Variants in GPHN observed in about 807,000 individuals in gnomAD.
GPHN encodes gephyrin.
A neutral mutation model predicts 95.5 loss-of-function variants in GPHN; 17 were observed. The ratio of observed to expected loss-of-function variants is 0.18; its 90% CI spans 0.12 to 0.27. The LOEUF (loss-of-function observed/expected upper bound fraction) is 0.27. GPHN is among the 10% of genes least tolerant of loss of function. The probability of loss-of-function intolerance (pLI) is 1.00; values close to 1 mark genes in which losing one functional copy is unlikely to be tolerated. For missense variants in GPHN, 660 were observed against 978.1 expected (o/e 0.67, Z 4.34); for synonymous variants, 320 against 322.5 (o/e 0.99, Z 0.08).
At chr14:66,786,523 T>TA (rs1463010527) in intron 3 of GPHN, among the ~76,000 whole-genome samples, 7 of 152,012 alleles carry the variant, frequency 4.6e-5, no homozygotes, top group African/African-American at 1.7e-4. Context: ...GATGAGGAAA[T>TA]ACGTTTCATG....
intron 8 of GPHN, among the ~76,000 whole-genome samples, chr14:66,960,611 C>T (rs1030015136): frequency 2.0e-5 from 3 of 151,996 alleles, no homozygotes; most frequent in African/African-American, 7.2e-5. Flanking sequence ...ACAAAACAAA[C>T]AAATCAGAGA....
At chr14:67,095,985 A>AAAT (rs2077371432) in intron 12 of GPHN, among the ~76,000 whole-genome samples, 1 of 143,260 alleles carries the variant, frequency 7.0e-6, no homozygotes, top group African/African-American at 2.7e-5. Context: ...AAAAAAAAAA[A>AAAT]AGAATTTAGA....
chr14:67,059,016 A>AAAG, intron 11 of GPHN: 1 of 366,480 alleles, frequency 2.7e-6, no homozygotes. Flanking sequence ...AAAAAAAGGA[A>AAAG]AAAAAAAAAA....
At chr14:67,594,934 G>T in the GPHN span, among the ~76,000 whole-genome samples, 1 of 152,086 alleles carries the variant, frequency 6.6e-6, no homozygotes, top group Non-Finnish European at 1.5e-5. Flanking sequence ...CGGATCACGA[G>T]GTCAGGAGAT....
the GPHN span, among the ~76,000 whole-genome samples, chr14:67,408,548 T>C: frequency 6.8e-4 from 104 of 152,156 alleles, no homozygotes; most frequent in African/African-American, 2.5e-3. Context: ...TTGACTGGTG[T>C]CCTTATAGGA....
chr14:67,432,809 T>C, the GPHN span, among the ~76,000 whole-genome samples: 1 of 152,084 alleles, frequency 6.6e-6, no homozygotes, highest in African/African-American at 2.4e-5. Context: ...CCTGGGTTTG[T>C]AGGGGCATCA....
intron 2 of GPHN, among the ~76,000 whole-genome samples, chr14:66,751,569 T>C (rs1439862134): frequency 6.6e-6 from 1 of 152,112 alleles, no homozygotes; most frequent in Non-Finnish European, 1.5e-5. Context: ...TTGTTTAAGT[T>C]CCTTATAGAT....
intron 9 of GPHN, among the ~76,000 whole-genome samples, chr14:67,007,774 G>A (rs1019439001): frequency 1.1e-4 from 16 of 152,118 alleles, no homozygotes; most frequent in Admixed American, 6.6e-5. Context: ...CCCAGCTAGA[G>A]TTATCTACCT....
At chr14:66,717,360 T>A (rs2070281475) in intron 2 of GPHN, among the ~76,000 whole-genome samples, 1 of 152,200 alleles carries the variant, frequency 6.6e-6, no homozygotes, top group African/African-American at 2.4e-5. Flanking sequence ...ATTGTTTTTT[T>A]ATTTATGCTG....
the GPHN span, among the ~76,000 whole-genome samples, chr14:67,242,542 C>G: frequency 6.6e-6 from 1 of 152,060 alleles, no homozygotes; most frequent in Non-Finnish European, 1.5e-5. Flanking sequence ...GCAATAGGAA[C>G]AAATGACGTG....
intron 1 of GPHN, chr14:66,508,922 C>T (rs541643891): frequency 1.6e-4 from 59 of 377,242 alleles, no homozygotes; most frequent in African/African-American, 9.5e-4. Flanking sequence ...GGCGGGATCC[C>T]GGCTCCGCAG....
At chr14:67,093,747 G>A (rs2077232041) in intron 12 of GPHN, among the ~76,000 whole-genome samples, 1 of 152,050 alleles carries the variant, frequency 6.6e-6, no homozygotes, top group Non-Finnish European at 1.5e-5. Context: ...GGAAAAGGTA[G>A]CCAGTTTAAA....
chr14:67,168,894 A>T, intron 20 of GPHN, 39 bp from the exon 21 acceptor site: 1 of 1,264,000 alleles, frequency 7.9e-7, no homozygotes, highest in Non-Finnish European at 1.2e-6. Context: ...GCAAATTGTT[A>T]CACAGTGTAT....
chr14:66,806,970 A>T (rs2060568934), intron 3 of GPHN, among the ~76,000 whole-genome samples: 1 of 152,178 alleles, frequency 6.6e-6, no homozygotes, highest in Non-Finnish European at 1.5e-5. Context: ...TTACTGAATT[A>T]GTCTGTTTTC....
chr14:67,615,563 G>C, the GPHN span: 3 of 499,728 alleles, frequency 6.0e-6, no homozygotes, highest in South Asian at 5.4e-5. Flanking sequence ...CCGGAGGAGC[G>C]TAAGAAGAAA....
the GPHN span, among the ~76,000 whole-genome samples, chr14:67,461,531 C>G: frequency 7.9e-5 from 12 of 152,280 alleles, no homozygotes; most frequent in South Asian, 6.2e-4. Flanking sequence ...TTTCCCTTCC[C>G]TCCCCAGCCC....
At chr14:66,767,282 C>T (rs1231455987) in intron 2 of GPHN, among the ~76,000 whole-genome samples, 1 of 151,786 alleles carries the variant, frequency 6.6e-6, no homozygotes, top group African/African-American at 2.4e-5. Context: ...GGACAATGGG[C>T]TGTCCTTCCC....
chr14:67,035,035 A>G (rs2074354836), intron 10 of GPHN, among the ~76,000 whole-genome samples: 1 of 152,102 alleles, frequency 6.6e-6, no homozygotes, highest in Non-Finnish European at 1.5e-5. Flanking sequence ...AAGTCTTAAC[A>G]AAGTTAGGAA....
At chr14:67,252,478 G>T in the GPHN span, among the ~76,000 whole-genome samples, 1 of 152,160 alleles carries the variant, frequency 6.6e-6, no homozygotes, top group Non-Finnish European at 1.5e-5. Flanking sequence ...TGAACCTGAG[G>T]AGTGGTCATG....
Sources: gnomAD v4.1 joint callset for allele counts (sites outside exome capture counted in the v4.1 genomes callset) on GRCh38, gnomAD v4.1.1 for gene constraint, MANE v1.5 for transcripts, NCBI Gene and HGNC (gene_info 2026-07-23, HGNC 2026-07-21) for gene names.